VWC2: variants seen among roughly 807,000 people sequenced by gnomAD.
VWC2 encodes brorin.
In VWC2, 14 loss-of-function variants were observed where a neutral mutation model predicts 29.8. The ratio of observed to expected loss-of-function variants is 0.47; its 90% CI spans 0.31 to 0.74. VWC2 has a LOEUF of 0.74. Ranked by LOEUF, VWC2 falls within the 30% of genes least tolerant of loss-of-function variation. VWC2 has a pLI of 0.05. For synonymous variants in VWC2, 213 were observed against 199.0 expected (o/e 1.07, Z -0.59); for missense variants, 457 against 459.8 (o/e 0.99, Z 0.05).
chr7:49,905,419 A>G (rs1467345036), intron 3 of VWC2, among the ~76,000 whole-genome samples: 1 of 152,216 alleles, frequency 6.6e-6, no homozygotes, highest in Non-Finnish European at 1.5e-5. Flanking sequence ...TAAATAAACA[A>G]AAAGGAAGCA....
intron 3 of VWC2, among the ~76,000 whole-genome samples, chr7:49,831,312 C>A (rs548743905): frequency 1.3e-5 from 2 of 152,108 alleles, no homozygotes; most frequent in South Asian, 4.1e-4. Flanking sequence ...GTGTTTTAGA[C>A]TGTCAGTAAT....
At chr7:49,778,550 CT>C (rs1457509160) in intron 2 of VWC2, among the ~76,000 whole-genome samples, 1 of 152,346 alleles carries the variant, frequency 6.6e-6, no homozygotes, top group African/African-American at 2.4e-5. Context: ...TCTAGGCATT[CT>C]GCTAATTTAT....
rs187258670 is a variant in VWC2, at chr7:49,867,324, G to A, written c.827-44710G>A. Among the ~76,000 whole-genome samples, 158 of 152,262 alleles carry A rather than the reference G, an allele frequency of 1.0e-3. 2 individuals are homozygous for A. Among genetic ancestry groups the A allele is most frequent in the African/African-American group, 3.8e-3 (157 of 41,552 alleles). On this transcript the variant is annotated intron_variant, in intron 3 of 3. Transcript: ENST00000340652. ...GATTGCCAGAAAAGAAGAAGCATGA[G>A]AAACTCAGAAAGGCCGTCCTTACAT...
intron 3 of VWC2, among the ~76,000 whole-genome samples, chr7:49,818,995 CAT>C (rs1468756894): frequency 1.3e-5 from 2 of 152,244 alleles, no homozygotes; most frequent in East Asian, 3.9e-4. Flanking sequence ...AAGTGTCACA[CAT>C]GTCCCAAAAC....
intron 3 of VWC2, among the ~76,000 whole-genome samples, chr7:49,858,511 C>T (rs1223254284): frequency 7.0e-6 from 1 of 142,464 alleles, no homozygotes; most frequent in Non-Finnish European, 1.5e-5. Context: ...ACAATGACAA[C>T]ACACGGACAC....
chr7:49,905,514 G>A (rs1793037110), intron 3 of VWC2, among the ~76,000 whole-genome samples: 1 of 152,224 alleles, frequency 6.6e-6, no homozygotes, highest in Admixed American at 6.5e-5. Context: ...ATATTTTAAT[G>A]TGAGGTAAAC....
At chr7:49,789,580 A>G (rs185534437) in intron 2 of VWC2, among the ~76,000 whole-genome samples, 2 of 152,026 alleles carry the variant, frequency 1.3e-5, no homozygotes, top group South Asian at 4.1e-4. Context: ...TTAGGAAGAC[A>G]TTATTTTAGT....
intron 2 of VWC2, among the ~76,000 whole-genome samples, chr7:49,801,266 A>T (rs1236254216): frequency 1.3e-5 from 2 of 152,208 alleles, no homozygotes; most frequent in African/African-American, 4.8e-5. Flanking sequence ...TGTATCATGG[A>T]CGTGGGGCAC....
At chr7:49,812,112 A>G (rs1789024833) in intron 3 of VWC2, among the ~76,000 whole-genome samples, 1 of 152,218 alleles carries the variant, frequency 6.6e-6, no homozygotes, top group Admixed American at 6.5e-5. Flanking sequence ...AGGCAAATTT[A>G]TATAGGAAGA....
chr7:49,916,440 T>G lies in VWC2; in HGVS notation c.*4255T>G, dbSNP rs1016872688. On this transcript the variant is annotated 3_prime_UTR_variant, in exon 4 of 4. Coordinates refer to ENST00000340652, the MANE Select transcript of VWC2 (RefSeq NM_198570.5). ...CAATGTCCAGTTCAAGTGCCATTGC[T>G]GGTAAGGCTTCTGTAGTTCTTATTG... 6.6e-6 allele frequency: 1 copy of G among 152,224 alleles called. No individual in the cohort carries two copies. The highest frequency in any genetic ancestry group is 2.4e-5 in the African/African-American group (1 of 41,456). The allele number at this position is 152,224 out of a possible 1,614,324, so 9.4% of individuals were successfully genotyped here.
intron 2 of VWC2, among the ~76,000 whole-genome samples, chr7:49,801,437 T>C (rs1788735045): frequency 6.6e-6 from 1 of 152,210 alleles, no homozygotes; most frequent in Non-Finnish European, 1.5e-5. Flanking sequence ...TGCTTTGTCC[T>C]GGGTCAGCCA....
At chr7:49,804,249 A>G (rs777349575) in intron 3 of VWC2, among the ~76,000 whole-genome samples, 3 of 151,852 alleles carry the variant, frequency 2.0e-5, no homozygotes, top group Admixed American at 6.6e-5. Flanking sequence ...AGTGTTAATT[A>G]CCACTAATTA....
In VWC2 at chr7:49,918,491, G is replaced by T. The variant is rs1027122723; in HGVS notation, c.*6306G>T. On this transcript the variant is annotated 3_prime_UTR_variant, in exon 4 of 4. Transcript: ENST00000340652. ...ATGTTGTAGCCTCCCTAGTCTAAATGCTTATGCTATATTTTGTTTCCTAAA... is the reference window on the plus strand; with the variant it reads ...ATGTTGTAGCCTCCCTAGTCTAAATTCTTATGCTATATTTTGTTTCCTAAA... The T allele has an allele frequency of 6.6e-6, 1 of 152,114 alleles. No homozygotes were observed. The highest frequency in any genetic ancestry group is 2.4e-5 in the African/African-American group (1 of 41,408). The allele number at this position is 152,114 out of a possible 1,614,324, so 9.4% of individuals were successfully genotyped here.
At chr7:49,807,577 T>C (rs1272686472) in intron 3 of VWC2, among the ~76,000 whole-genome samples, 2 of 152,176 alleles carry the variant, frequency 1.3e-5, no homozygotes, top group East Asian at 1.9e-4. Context: ...AATAGCAGTA[T>C]GGAGATAAAA....
intron 2 of VWC2, among the ~76,000 whole-genome samples, chr7:49,793,335 C>CTT (rs76845019): frequency 6.8e-6 from 1 of 146,094 alleles, no homozygotes; most frequent in Non-Finnish European, 1.5e-5. Flanking sequence ...TTCTAACCCT[C>CTT]TTTTTTTTTT....
intron 3 of VWC2, among the ~76,000 whole-genome samples, chr7:49,851,954 C>T (rs992678288): frequency 7.2e-5 from 11 of 152,220 alleles, no homozygotes; most frequent in Non-Finnish European, 1.5e-4. Context: ...TTCCCACTCC[C>T]GTTCTAAGGA....
chr7:49,861,941 G>C (rs1231544837), intron 3 of VWC2, among the ~76,000 whole-genome samples: 1 of 152,116 alleles, frequency 6.6e-6, no homozygotes, highest in Admixed American at 6.5e-5. Context: ...CTTTTTTAAA[G>C]ATTATTATGG....
rs564968057 is a variant in VWC2, at chr7:49,918,425, A to G, written c.*6240A>G. 6.6e-6 allele frequency: 1 copy of G among 152,220 alleles called. No individual in the cohort carries two copies. Among genetic ancestry groups the G allele is most frequent in the Non-Finnish European group, 1.5e-5 (1 of 68,034 alleles). 9.4% of individuals were successfully genotyped at this position (152,220 alleles called of 1,614,324 possible). On this transcript the variant is annotated 3_prime_UTR_variant, in exon 4 of 4. Coordinates refer to ENST00000340652, the MANE Select transcript of VWC2 (RefSeq NM_198570.5). ...ACTGATCCCTAATTCTAGAATATCA[A>G]TCTTGATACTTGTCAAAGTAAATAG...
At position 49,915,863 on chromosome 7, in the gene VWC2, A is replaced by ATG. The variant is rs1793694850; in HGVS notation, c.*3678_*3679insTG. On this transcript the variant is annotated 3_prime_UTR_variant, in exon 4 of 4. Coordinates refer to ENST00000340652, the MANE Select transcript of VWC2 (RefSeq NM_198570.5). ...AAATAAGCATCATTGGTAAAAACAT[A>ATG]CATGCTTCTTTGGCCAACATAATTT... 6.6e-6 allele frequency: 1 copy of ATG among 152,224 alleles called. No homozygotes were observed. The highest frequency in any genetic ancestry group is 1.5e-5 in the Non-Finnish European group (1 of 68,040). The allele number at this position is 152,224 out of a possible 1,614,324, so 9.4% of individuals were successfully genotyped here. A position where few individuals can be genotyped will look rare whatever the true frequency, so the allele number is the denominator to read the frequency against.
Sources: allele counts gnomAD v4.1 joint callset (sites outside exome capture counted in the v4.1 genomes callset), GRCh38; gene constraint gnomAD v4.1.1; transcripts MANE v1.5; gene names NCBI Gene and HGNC (gene_info 2026-07-23, HGNC 2026-07-21).